CTNNB1: variants seen among roughly 807,000 people sequenced by gnomAD.
CTNNB1 encodes catenin beta-1.
Under a neutral mutation model 82.5 loss-of-function variants are expected in CTNNB1, and 6 were observed. The ratio of observed to expected loss-of-function variants is 0.07; its 90% CI spans 0.04 to 0.14. CTNNB1 has a LOEUF of 0.14. CTNNB1 is among the 10% of genes least tolerant of loss of function. The probability of loss-of-function intolerance (pLI) is 1.00; values close to 1 mark genes in which losing one functional copy is unlikely to be tolerated. For missense variants in CTNNB1, 529 were observed against 980.4 expected, an observed-to-expected ratio of 0.54 and a Z score of 6.15; for synonymous variants, 312 against 329.7, an observed-to-expected ratio of 0.95 and a Z score of 0.58.
At chr3:41,210,613 A>G (rs534580005) in intron 1 of CTNNB1, among the ~76,000 whole-genome samples, 1 of 152,114 alleles carries the variant, frequency 6.6e-6, no homozygotes, top group South Asian at 2.1e-4. Flanking sequence ...TCCTGTGATA[A>G]CAGTGCCTTC....
chr3:41,217,206 T>C (rs1250497967), intron 1 of CTNNB1, among the ~76,000 whole-genome samples: 2 of 152,218 alleles, frequency 1.3e-5, no homozygotes, highest in Admixed American at 6.5e-5. Context: ...TGCCCCATCT[T>C]TACGTGGCCA....
intron 1 of CTNNB1, among the ~76,000 whole-genome samples, chr3:41,204,770 T>C (rs2077611688): frequency 6.6e-6 from 1 of 152,258 alleles, no homozygotes; most frequent in Admixed American, 6.5e-5. Context: ...ATACTGCCAG[T>C]TTGTCCCTCT....
intron 1 of CTNNB1, among the ~76,000 whole-genome samples, chr3:41,218,366 T>C (rs561369360): frequency 5.3e-4 from 80 of 152,298 alleles, no homozygotes; most frequent in African/African-American, 1.9e-3. Context: ...ATGATAACAT[T>C]ATAAATGTGA....
At chr3:41,223,657 AAGG>A (rs2078104701) in intron 1 of CTNNB1, among the ~76,000 whole-genome samples, 1 of 152,212 alleles carries the variant, frequency 6.6e-6, no homozygotes, top group Non-Finnish European at 1.5e-5. Flanking sequence ...AAGGTTAAAA[AAGG>A]AGAGACCTTT....
chr3:41,217,042 A>G (rs1348194426), intron 1 of CTNNB1, among the ~76,000 whole-genome samples: 1 of 152,150 alleles, frequency 6.6e-6, no homozygotes, highest in Non-Finnish European at 1.5e-5. Flanking sequence ...GCATCCCAGT[A>G]CACTTTGGAT....
rs1017092251 is a variant in CTNNB1 at position 41,225,955 on chromosome 3, A to G, written c.936+94A>G. ...CAGTGTTCCTAACCTTTTTGGCACC[A>G]GGGACCAGTTTCGTGGAAAACAGTT... is the stretch of plus-strand genomic sequence containing the variant. On this transcript the variant is annotated intron_variant, in intron 6 of 14. Coordinates refer to ENST00000349496, the MANE Select transcript of CTNNB1 (RefSeq NM_001904.4). This position sits in a 1 kb window ranked among gnomAD's most constrained non-coding sequence, Gnocchi z 5.3. 14 of 1,208,858 alleles carry G rather than the reference A, an allele frequency of 1.2e-5. No homozygotes were observed. Among genetic ancestry groups the G allele is most frequent in the Non-Finnish European group, 1.6e-5 (13 of 831,628 alleles). 74.9% of individuals were successfully genotyped at this position (1,208,858 alleles called of 1,614,324 possible).
intron 11 of CTNNB1, 180 bp from the exon 12 acceptor site, chr3:41,236,169 A>G (rs2078430409): frequency 1.2e-5 from 10 of 843,340 alleles, no homozygotes; most frequent in Non-Finnish European, 1.8e-5. Context: ...GCTAAAAAAT[A>G]TTATGGAAAT....
rs11564449 is a variant in CTNNB1 at position 41,227,798 on chromosome 3, CAG to C, written c.1081+447_1081+448del. ...TGTTATATAGGTAAATTGCATGTCA[CAG>C]GGGTTTCGTGTGCAGATTATTTTGT... On this transcript the variant is annotated intron_variant, in intron 7 of 14. Coordinates refer to ENST00000349496, the MANE Select transcript of CTNNB1 (RefSeq NM_001904.4). Among the ~76,000 whole-genome samples, 743 of 152,234 alleles carry C rather than the reference CAG, an allele frequency of 4.9e-3. 14 individuals carry two copies. The highest frequency in any genetic ancestry group is 0.017 in the African/African-American group (692 of 41,544).
At chr3:41,217,773 GTATA>G (rs1164028128) in intron 1 of CTNNB1, among the ~76,000 whole-genome samples, 2 of 152,082 alleles carry the variant, frequency 1.3e-5, no homozygotes, top group African/African-American at 4.8e-5. Context: ...AACATCCTTT[GTATA>G]TATTCATTGC....
In CTNNB1 at chr3:41,239,920, AAT is replaced by A. The variant is rs2078534915; in HGVS notation, c.*579_*580del. 5.7e-6 allele frequency: 1 copy of A among 174,640 alleles called. No individual in the cohort carries two copies. Among genetic ancestry groups the A allele is most frequent in the African/African-American group, 2.7e-5 (1 of 37,320 alleles). 10.8% of individuals were successfully genotyped at this position (174,640 alleles called of 1,614,324 possible). A position where few individuals can be genotyped will look rare whatever the true frequency, so the allele number is the denominator to read the frequency against. ...TATCAAACCCTAGCCTTGCTTGTTAAATTTTTTTTTTTTTTTTTTTAAGAATA... is the reference window on the plus strand; with the variant it reads ...TATCAAACCCTAGCCTTGCTTGTTAATTTTTTTTTTTTTTTTTTAAGAATA... On this transcript the variant is annotated 3_prime_UTR_variant, in exon 15 of 15. Transcript: ENST00000349496.
chr3:41,214,495 T>C (rs533882948), intron 1 of CTNNB1, among the ~76,000 whole-genome samples: 2 of 152,248 alleles, frequency 1.3e-5, no homozygotes, highest in East Asian at 3.9e-4. Flanking sequence ...CCCAAATAAA[T>C]TGTCTTGTTA....
In CTNNB1 at chr3:41,234,222, A is replaced by G. The variant is rs778435107; in HGVS notation, c.1608A>G (p.Leu536=). ...GTGAGCAGGGTGCCATTCCACGACT[A>G]GTTCAGTTGCTTGTTCGTGCACATC... ...PLREQGAIPR[L]VQLLVRAHQD... The change falls in exon 10 of 15, where the codon CTA becomes CTG. Residue 536 remains leucine (L), a synonymous_variant. Coordinates refer to ENST00000349496, the MANE Select transcript of CTNNB1 (RefSeq NM_001904.4). 11 of 1,614,088 alleles carry G rather than the reference A, an allele frequency of 6.8e-6. No individual in the cohort carries two copies. The South Asian group carries it at 7.7e-5, about 11-fold the overall frequency.
At chr3:41,206,947 A>C (rs2077662283) in intron 1 of CTNNB1, among the ~76,000 whole-genome samples, 1 of 152,218 alleles carries the variant, frequency 6.6e-6, no homozygotes. Context: ...AGGAAACGTA[A>C]TACACTGACA....
chr3:41,228,427 C>A (rs559700101), intron 7 of CTNNB1, among the ~76,000 whole-genome samples: 35 of 152,154 alleles, frequency 2.3e-4, no homozygotes, highest in African/African-American at 8.2e-4. Flanking sequence ...TGGTGTGAGA[C>A]GGTATCTCAT....
chr3:41,219,807 T>C (rs1393398161), intron 1 of CTNNB1, among the ~76,000 whole-genome samples: 1 of 152,154 alleles, frequency 6.6e-6, no homozygotes, highest in Non-Finnish European at 1.5e-5. Context: ...TCTGGTGATA[T>C]GGGAAATTAA....
Position 41,223,230 on chromosome 3 carries a change from A to C in CTNNB1, c.-48-791A>C, listed in dbSNP as rs763933655. The stretch of plus-strand genomic sequence containing the variant: ...AAATATCTAGAGGCCATGAGCCCTT[A>C]AACTGTTCTAATTTGCAAGTAGTTC... On this transcript the variant is annotated intron_variant, in intron 1 of 14. Coordinates refer to ENST00000349496, the MANE Select transcript of CTNNB1 (RefSeq NM_001904.4). Among the ~76,000 whole-genome samples, 66 of 152,320 alleles carry C rather than the reference A, an allele frequency of 4.3e-4. 1 individual carries two copies. Among genetic ancestry groups the C allele is most frequent in the Non-Finnish European group, 6.8e-4 (46 of 68,022 alleles).
intron 1 of CTNNB1, among the ~76,000 whole-genome samples, chr3:41,209,851 C>T (rs775795978): frequency 4.6e-5 from 7 of 152,052 alleles, no homozygotes; most frequent in Non-Finnish European, 8.8e-5. Context: ...GGTGAGTCAG[C>T]GAGTGACGAT....
rs955479507 is a variant in CTNNB1 at position 41,232,774 on chromosome 3, T to G, written c.1082-567T>G. On this transcript the variant is annotated intron_variant, in intron 7 of 14. Transcript: ENST00000349496. ...TCTTACCCCAGGAATTTACCTAGCT[T>G]CTTTAGGTCTTTAGTCAGATGTCAC... 3.3e-5 allele frequency among the ~76,000 whole-genome samples: 5 copies of G among 152,136 alleles called. No homozygotes were observed. In the East Asian group the frequency reaches 9.6e-4, roughly 29 times the overall value.
At chr3:41,229,584 T>G (rs1049264838) in intron 7 of CTNNB1, among the ~76,000 whole-genome samples, 1 of 152,168 alleles carries the variant, frequency 6.6e-6, no homozygotes, top group Non-Finnish European at 1.5e-5. Context: ...CTGAAGTTTA[T>G]TGGATCAAGG....
Sources: allele counts gnomAD v4.1 joint callset (sites outside exome capture counted in the v4.1 genomes callset), GRCh38; gene constraint gnomAD v4.1.1; non-coding constraint Gnocchi (gnomAD v3.1); transcripts MANE v1.5; gene names NCBI Gene and HGNC (gene_info 2026-07-23, HGNC 2026-07-21).